Variants in GPR39 observed in about 807,000 individuals in gnomAD.
GPR39 encodes the protein zinc sensing receptor.
In GPR39, 23 loss-of-function variants were observed where a neutral mutation model predicts 18.4. That is an observed-to-expected ratio of 1.25 (90% CI 0.90 to 1.77). The LOEUF (loss-of-function observed/expected upper bound fraction) is 1.77, where lower values mean the gene tolerates loss of function less well. Among genes scored for constraint, GPR39 ranks in the 40% most tolerant of loss-of-function variants. The pLI is 0.00. For missense variants in GPR39, 647 were observed against 602.4 expected (o/e 1.07, Z -0.78); for synonymous variants, 280 against 257.9 (o/e 1.09, Z -0.82).
chr2:132,565,021 G>T (rs1680323521), intron 1 of GPR39, among the ~76,000 whole-genome samples: 1 of 151,716 alleles, frequency 6.6e-6, no homozygotes, highest in African/African-American at 2.4e-5. Context: ...GTATCACCAT[G>T]TTGGCCAGGA....
At chr2:132,434,462 C>A (rs1344131541) in intron 1 of GPR39, among the ~76,000 whole-genome samples, 2 of 152,136 alleles carry the variant, frequency 1.3e-5, no homozygotes, top group African/African-American at 2.4e-5. Flanking sequence ...TTTTAAAATT[C>A]TTTTAATATT....
At chr2:132,583,272 C>T (rs1680660897) in intron 1 of GPR39, among the ~76,000 whole-genome samples, 1 of 151,798 alleles carries the variant, frequency 6.6e-6, no homozygotes, top group East Asian at 1.9e-4. Flanking sequence ...CTGGGTGATA[C>T]TGTAAAATAT....
At chr2:132,536,017 A>AAAAAC (rs1679752415) in intron 1 of GPR39, among the ~76,000 whole-genome samples, 1 of 150,392 alleles carries the variant, frequency 6.6e-6, no homozygotes, top group Admixed American at 6.6e-5. Context: ...TTCAAAAAAA[A>AAAAAC]AAAACAGCTC....
Position 132,433,394 on chromosome 2 carries a change from A to G in GPR39, c.856+15496A>G, listed in dbSNP as rs151276971. Reference sequence around the variant, plus strand: ...CCACTTGCAACTCTGTGTGACGCTAATCATCTCAGCATGAGCAGTTTGTCT... The same window carrying G: ...CCACTTGCAACTCTGTGTGACGCTAGTCATCTCAGCATGAGCAGTTTGTCT... On this transcript the variant is annotated intron_variant, in intron 1 of 1. Coordinates refer to ENST00000329321, the MANE Select transcript of GPR39 (RefSeq NM_001508.3). Among the ~76,000 whole-genome samples the G allele has an allele frequency of 3.6e-3, 542 of 152,252 alleles. 5 individuals carry two copies. The highest frequency in any genetic ancestry group is 0.012 in the African/African-American group (513 of 41,556).
chr2:132,571,713 A>C (rs1573674403), intron 1 of GPR39, among the ~76,000 whole-genome samples: 1 of 152,288 alleles, frequency 6.6e-6, no homozygotes, highest in East Asian at 1.9e-4. Context: ...AAGTGTGAAC[A>C]GTGTCAAAGC....
In GPR39 at chr2:132,535,695, C is replaced by CTTTTTTTTTTTTTTTTTTTTTTTTTTTTT. The variant is rs753801511; in HGVS notation, c.857-109395_857-109394insTTTTTTTTTTTTTTTTTTTTTTTTTTTTT. 8.3e-5 allele frequency among the ~76,000 whole-genome samples: 8 copies of CTTTTTTTTTTTTTTTTTTTTTTTTTTTTT among 96,528 alleles called. 1 individual carries two copies. In the South Asian group the frequency reaches 1.8e-3, roughly 21 times the overall value. 63.3% of individuals were successfully genotyped at this position (96,528 alleles called of 152,430 possible). On this transcript the variant is annotated intron_variant, in intron 1 of 1. Transcript: ENST00000329321. ...GGCTGTGAATCCATCTGGTCCTGGGCTTTTTTTTTTTGGTTGGTAGGCTAT... is the reference window on the plus strand; with the variant it reads ...GGCTGTGAATCCATCTGGTCCTGGGCTTTTTTTTTTTTTTTTTTTTTTTTTTTTTTTTTTTTTTTTGGTTGGTAGGCTAT...
intron 1 of GPR39, among the ~76,000 whole-genome samples, chr2:132,506,762 C>A (rs189138681): frequency 6.6e-6 from 1 of 152,134 alleles, no homozygotes; most frequent in Admixed American, 6.5e-5. Context: ...CCATGACATG[C>A]GAGGATTAGG....
intron 1 of GPR39, among the ~76,000 whole-genome samples, chr2:132,471,091 C>T (rs1681022586): frequency 6.6e-6 from 1 of 152,022 alleles, no homozygotes; most frequent in Admixed American, 6.6e-5. Context: ...CACTGCAATC[C>T]CAGGGCAGTG....
At chr2:132,619,068 A>G (rs538273611) in intron 1 of GPR39, among the ~76,000 whole-genome samples, 2 of 152,276 alleles carry the variant, frequency 1.3e-5, no homozygotes, top group African/African-American at 4.8e-5. Flanking sequence ...TCTGGCTGCT[A>G]CACCCCCACA....
intron 1 of GPR39, among the ~76,000 whole-genome samples, chr2:132,568,795 T>C (rs1443763842): frequency 2.0e-5 from 3 of 152,088 alleles, no homozygotes; most frequent in Non-Finnish European, 4.4e-5. Flanking sequence ...GGTGGCTTGA[T>C]AGCATGCCCT....
At chr2:132,481,568 G>C (rs370867755) in intron 1 of GPR39, among the ~76,000 whole-genome samples, 11 of 152,262 alleles carry the variant, frequency 7.2e-5, no homozygotes, top group African/African-American at 2.6e-4. Flanking sequence ...TTTTGTTACT[G>C]ATATTTGTGA....
Position 132,561,142 on chromosome 2 carries a change from A to G in GPR39, c.857-83959A>G, listed in dbSNP as rs193014199. Among the ~76,000 whole-genome samples the G allele has an allele frequency of 6.4e-3, 953 of 149,830 alleles. 6 individuals are homozygous for G. The highest frequency in any genetic ancestry group is 0.01 in the South Asian group (49 of 4,728). ...ACCATATTGGCCAGGCTGTTCTCCAACTCCTGACCTCATGATCCACCCGCC... is the reference window on the plus strand; with the variant it reads ...ACCATATTGGCCAGGCTGTTCTCCAGCTCCTGACCTCATGATCCACCCGCC... On this transcript the variant is annotated intron_variant, in intron 1 of 1. Coordinates refer to ENST00000329321, the MANE Select transcript of GPR39 (RefSeq NM_001508.3).
chr2:132,503,913 A>G (rs1165705247), intron 1 of GPR39, among the ~76,000 whole-genome samples: 1 of 152,194 alleles, frequency 6.6e-6, no homozygotes, highest in African/African-American at 2.4e-5. Context: ...CCCTGCTCCA[A>G]GCAGCCTGTA....
At chr2:132,620,665 C>T (rs1681425834) in intron 1 of GPR39, among the ~76,000 whole-genome samples, 1 of 152,212 alleles carries the variant, frequency 6.6e-6, no homozygotes, top group Non-Finnish European at 1.5e-5. Flanking sequence ...TTTGCCCAGA[C>T]ACTTCCCCTC....
At chr2:132,632,374 C>A (rs1220761030) in intron 1 of GPR39, among the ~76,000 whole-genome samples, 2 of 152,170 alleles carry the variant, frequency 1.3e-5, no homozygotes, top group African/African-American at 4.8e-5. Context: ...CAGAGAGGAT[C>A]TTTATTTCTT....
chr2:132,545,017 A>G (rs1427880911), intron 1 of GPR39, among the ~76,000 whole-genome samples: 1 of 152,226 alleles, frequency 6.6e-6, no homozygotes, highest in African/African-American at 2.4e-5. Context: ...AGTACACCCA[A>G]GGGGAAAAGA....
At chr2:132,493,522 A>C (rs1681565082) in intron 1 of GPR39, among the ~76,000 whole-genome samples, 1 of 143,442 alleles carries the variant, frequency 7.0e-6, no homozygotes, top group South Asian at 2.1e-4. Flanking sequence ...ATATATATAT[A>C]TATATACACA....
chr2:132,530,916 C>T (rs1049290029), intron 1 of GPR39, among the ~76,000 whole-genome samples: 2 of 152,168 alleles, frequency 1.3e-5, no homozygotes, highest in African/African-American at 4.8e-5. Flanking sequence ...ATTGTAAAGA[C>T]CATCAAGGCT....
At chr2:132,552,917 TACACACACAC>T (rs58291826) in intron 1 of GPR39, among the ~76,000 whole-genome samples, 3 of 131,340 alleles carry the variant, frequency 2.3e-5, no homozygotes, top group Non-Finnish European at 3.4e-5. Flanking sequence ...CACATATATA[TACACACACAC>T]ACACACATAT....
Sources: gnomAD v4.1 joint callset for allele counts (sites outside exome capture counted in the v4.1 genomes callset) on GRCh38, gnomAD v4.1.1 for gene constraint, MANE v1.5 for transcripts, NCBI Gene and HGNC (gene_info 2026-07-23, HGNC 2026-07-21) for gene names.